The following ASPH variants were observed in gnomAD, a reference collection of about 807,000 sequenced individuals.
ASPH encodes the protein aspartate beta-hydroxylase.
In ASPH, 100 loss-of-function variants were observed where a neutral mutation model predicts 118.4. The ratio of observed to expected loss-of-function variants is 0.84; its 90% confidence interval spans 0.72 to 1.00. The LOEUF is 1.00. Ranked by LOEUF, ASPH falls within the 50% of genes least tolerant of loss-of-function variation. The probability of loss-of-function intolerance (pLI) is 0.00; values close to 1 mark genes in which losing one functional copy is unlikely to be tolerated. For synonymous variants in ASPH, 315 were observed against 325.6 expected, an observed-to-expected ratio of 0.97 and a Z score of 0.35; for missense variants, 920 against 919.5, an observed-to-expected ratio of 1.00 and a Z score of -0.01.
At chr8:61,533,586 C>T (rs1229276359) in intron 21 of ASPH, among the ~76,000 whole-genome samples, 1 of 152,146 alleles carries the variant, frequency 6.6e-6, no homozygotes, top group Non-Finnish European at 1.5e-5. Context: ...TCTGACAGGC[C>T]TCCATGTTGG....
chr8:61,684,227 C>T, intron 1 of ASPH, 39 bp from the exon 2 acceptor site: 5 of 1,567,232 alleles, frequency 3.2e-6, no homozygotes, highest in Non-Finnish European at 4.3e-6. Context: ...AAGAAGAAAA[C>T]ATTTTACTGA....
chr8:61,658,150 GCTCC>G (rs1314111187), intron 3 of ASPH: 5 of 152,162 alleles, frequency 3.3e-5, no homozygotes, highest in Non-Finnish European at 5.9e-5. Context: ...CCTCGTTGTC[GCTCC>G]TGGCTTGTGT....
At chr8:61,693,080 A>G (rs1247488943) in intron 1 of ASPH, among the ~76,000 whole-genome samples, 1 of 152,122 alleles carries the variant, frequency 6.6e-6, no homozygotes, top group Non-Finnish European at 1.5e-5. Context: ...ACCTCCAGTG[A>G]CTTTCCCACT....
At position 61,553,040 on chromosome 8, in the gene ASPH, C is replaced by T; in HGVS notation, c.1617G>A (p.Gly539=). ...FHLGDAMQRV[G]NKEAYKWYEL... ...TTCATATACCCATTACCTCTTTGTT[C>T]CCAACCCTCTGCATGGCATCCCCCA... Residue 539 remains glycine, a synonymous_variant, in exon 20 of 25, where the codon GGG becomes GGA. Transcript: ENST00000379454. 5 of 1,612,326 alleles carry T rather than the reference C, an allele frequency of 3.1e-6. No homozygotes were observed. In the African/African-American group the frequency reaches 4.0e-5, roughly 13 times the overall value.
intron 10 of ASPH, among the ~76,000 whole-genome samples, 199 bp from the exon 11 acceptor site, chr8:61,638,562 C>A (rs760744363): frequency 2.6e-5 from 4 of 152,168 alleles, no homozygotes; most frequent in African/African-American, 4.8e-5. Flanking sequence ...AATTCCAGGG[C>A]AGCCACTTTT....
intron 16 of ASPH, among the ~76,000 whole-genome samples, chr8:61,569,577 A>ATT (rs74821163): frequency 2.3e-4 from 35 of 151,990 alleles, no homozygotes; most frequent in African/African-American, 8.2e-4. Context: ...CAACTATGGG[A>ATT]TTTTTTTTCA....
At chr8:61,625,015 G>T in intron 13 of ASPH, 1 of 985,430 alleles carries the variant, frequency 1.0e-6, no homozygotes. Flanking sequence ...AAGTATCTTT[G>T]ATTTTAATCC....
At chr8:61,585,805 G>C (rs1305125436) in intron 14 of ASPH, among the ~76,000 whole-genome samples, 1 of 152,216 alleles carries the variant, frequency 6.6e-6, no homozygotes, top group Non-Finnish European at 1.5e-5. Flanking sequence ...AAGCATCGAT[G>C]GCAGGGGTCT....
intron 3 of ASPH, chr8:61,665,390 T>G (rs1460818801): frequency 1.2e-6 from 2 of 1,613,572 alleles, no homozygotes; most frequent in Non-Finnish European, 1.7e-6. Flanking sequence ...TTTCCTATTT[T>G]CCTTGGTTTT....
intron 5 of ASPH, among the ~76,000 whole-genome samples, chr8:61,650,326 GT>G (rs1356239353): frequency 6.6e-6 from 1 of 152,108 alleles, no homozygotes; most frequent in African/African-American, 2.4e-5. Flanking sequence ...GGCATTGTTT[GT>G]TTTTAAGAAA....
At chr8:61,705,492 T>C (rs928865782) in intron 1 of ASPH, among the ~76,000 whole-genome samples, 1 of 151,980 alleles carries the variant, frequency 6.6e-6, no homozygotes, top group African/African-American at 2.4e-5. Flanking sequence ...ATAAACGAAC[T>C]AAAAAATATT....
chr8:61,643,111 A>C (rs2150974252), intron 9 of ASPH, among the ~76,000 whole-genome samples, 191 bp from the exon 10 acceptor site: 1 of 152,334 alleles, frequency 6.6e-6, no homozygotes, highest in South Asian at 2.1e-4. Flanking sequence ...ATTTTCATTA[A>C]AATTTCTCAA....
chr8:61,643,573 C>T, intron 8 of ASPH, 140 bp from the exon 9 acceptor site: 1 of 839,662 alleles, frequency 1.2e-6, no homozygotes, highest in Non-Finnish European at 1.8e-6. Flanking sequence ...AAAATTTAAG[C>T]TGAATAACGT....
At chr8:61,567,399 C>G (rs1021185728) in intron 16 of ASPH, 81 bp from the exon 17 acceptor site, 1 of 1,409,148 alleles carries the variant, frequency 7.1e-7, no homozygotes, top group Non-Finnish European at 9.5e-7. Flanking sequence ...AAAAAGTTAA[C>G]TTTTGGACAT....
chr8:61,686,436 G>A (rs1481451483), intron 1 of ASPH, among the ~76,000 whole-genome samples: 2 of 152,016 alleles, frequency 1.3e-5, no homozygotes, highest in African/African-American at 4.8e-5. Flanking sequence ...ACTAAAATTT[G>A]AAGAAAAAAA....
intron 3 of ASPH, chr8:61,663,110 G>T (rs1817754721): frequency 2.0e-6 from 2 of 985,212 alleles, no homozygotes; most frequent in Admixed American, 6.2e-5. Flanking sequence ...CAGGAGAAAA[G>T]ATCTAACACG....
rs887299642 is a variant in ASPH, at chr8:61,562,423, T to C, written c.1437+321A>G. Among the ~76,000 whole-genome samples, 3 of 97,284 alleles carry C rather than the reference T, an allele frequency of 3.1e-5. No homozygotes were observed. In the Admixed American group the frequency reaches 3.3e-4, roughly 11 times the overall value. The allele number at this position is 97,284 out of a possible 152,430, so 63.8% of individuals were successfully genotyped here. Reference sequence around the variant, plus strand: ...TGTGTGTGTGTGTGTGTGTGTAACATTCACAGGAACTTAAATTCTTCTTCC... The same window carrying C: ...TGTGTGTGTGTGTGTGTGTGTAACACTCACAGGAACTTAAATTCTTCTTCC... On this transcript the variant is annotated intron_variant, in intron 18 of 24. Coordinates refer to ENST00000379454, the MANE Select transcript of ASPH (RefSeq NM_004318.4).
At chr8:61,532,265 C>G (rs181142197) in intron 21 of ASPH, among the ~76,000 whole-genome samples, 11 of 152,068 alleles carry the variant, frequency 7.2e-5, no homozygotes, top group Non-Finnish European at 1.5e-4. Context: ...CCTTTTGATT[C>G]GCATTTCTCT....
intron 21 of ASPH, among the ~76,000 whole-genome samples, chr8:61,532,380 T>C (rs1303776204): frequency 6.6e-6 from 1 of 152,200 alleles, no homozygotes; most frequent in African/African-American, 2.4e-5. Flanking sequence ...ATTGGGTTAT[T>C]CAGTTTTTTT....
Sources: allele counts gnomAD v4.1 joint callset (sites outside exome capture counted in the v4.1 genomes callset), GRCh38; gene constraint gnomAD v4.1.1; transcripts MANE v1.5; gene names NCBI Gene and HGNC (gene_info 2026-07-23, HGNC 2026-07-21).